LRIF1: variants seen among roughly 807,000 people sequenced by gnomAD.
The protein encoded by LRIF1 is ligand-dependent nuclear receptor-interacting factor 1.
LRIF1 carries 32 observed loss-of-function variants against 52.7 expected under a neutral mutation model. The ratio of observed to expected loss-of-function variants is 0.61; its 90% CI spans 0.46 to 0.82. LRIF1 has a LOEUF of 0.82. Among genes scored for constraint, LRIF1 ranks in the 40% least tolerant of loss-of-function variants. The pLI is 0.00. For missense variants in LRIF1, 887 were observed against 892.0 expected, an observed-to-expected ratio of 0.99 and a Z score of 0.07; for synonymous variants, 323 against 317.4, an observed-to-expected ratio of 1.02 and a Z score of -0.19.
chr1:110,890,514 T>G, the LRIF1 span, among the ~76,000 whole-genome samples: 1 of 151,674 alleles, frequency 6.6e-6, no homozygotes, highest in Non-Finnish European at 1.5e-5. Flanking sequence ...TTGCAGTGAA[T>G]TGAGATTGTG....
In LRIF1 at chr1:110,963,748, C is replaced by A; in HGVS notation, c.-60G>T. On this transcript the variant is annotated 5_prime_UTR_variant, in exon 1 of 4. Coordinates refer to ENST00000369763, the MANE Select transcript of LRIF1 (RefSeq NM_018372.4). ...AAGTGGGAAGCGTGGGGCCGAGTTTCCCAATGGGGCGAGAACCAGAGCGAG... is the reference window on the plus strand; with the variant it reads ...AAGTGGGAAGCGTGGGGCCGAGTTTACCAATGGGGCGAGAACCAGAGCGAG... 7.4e-7 allele frequency: 1 copy of A among 1,354,572 alleles called. No individual in the cohort carries two copies. Among genetic ancestry groups the A allele is most frequent in the South Asian group, 1.2e-5 (1 of 80,836 alleles). 83.9% of individuals were successfully genotyped at this position (1,354,572 alleles called of 1,614,324 possible).
At position 110,948,521 on chromosome 1, in the gene LRIF1, A is replaced by C; in HGVS notation, c.1870-122T>G. ...CTAGCTATTACAATTAACAAAATTT[A>C]TGGAAGACAACTACAGCAAGAGGGA... On this transcript the variant is annotated intron_variant, in intron 3 of 3. Coordinates refer to ENST00000369763, the MANE Select transcript of LRIF1 (RefSeq NM_018372.4). 3 of 1,383,972 alleles carry C rather than the reference A, an allele frequency of 2.2e-6. No individual in the cohort carries two copies. In the East Asian group the frequency reaches 7.5e-5, roughly 35 times the overall value. The allele number at this position is 1,383,972 out of a possible 1,614,324, so 85.7% of individuals were successfully genotyped here. A position where few individuals can be genotyped will look rare whatever the true frequency, so the allele number is the denominator to read the frequency against.
the LRIF1 span, among the ~76,000 whole-genome samples, chr1:110,891,752 A>G: frequency 6.6e-6 from 1 of 152,218 alleles, no homozygotes; most frequent in Admixed American, 6.5e-5. Context: ...ATAGGTGAGA[A>G]ACCTGAGACT....
At chr1:110,952,883 T>C (rs1658543832) in intron 1 of LRIF1, 68 bp from the exon 2 acceptor site, 2 of 763,126 alleles carry the variant, frequency 2.6e-6, no homozygotes, top group East Asian at 7.1e-5. Context: ...TAAAAATAAA[T>C]ATTTGTAAAT....
chr1:110,906,587 A>G, the LRIF1 span, among the ~76,000 whole-genome samples: 2 of 152,188 alleles, frequency 1.3e-5, no homozygotes, highest in African/African-American at 4.8e-5. Context: ...AAAAAAATAA[A>G]TAAATAAACC....
downstream of LRIF1, chr1:110,944,149 C>A (rs116721712): frequency 3.9e-5 from 6 of 152,294 alleles, no homozygotes; most frequent in African/African-American, 1.4e-4. Context: ...GATGATAGCA[C>A]TGACAATAAA....
chr1:110,950,881 T>C (rs1658443715), intron 2 of LRIF1, among the ~76,000 whole-genome samples: 1 of 152,102 alleles, frequency 6.6e-6, no homozygotes, highest in Admixed American at 6.6e-5. Context: ...CTCTTTTACA[T>C]GCATATTGAT....
At chr1:110,898,004 C>A in the LRIF1 span, 1 of 549,712 alleles carries the variant, frequency 1.8e-6, no homozygotes, top group Non-Finnish European at 3.2e-6. Flanking sequence ...GCTATTTTTA[C>A]TAATATATGA....
chr1:110,932,345 T>A, the LRIF1 span, among the ~76,000 whole-genome samples: 1 of 152,190 alleles, frequency 6.6e-6, no homozygotes, highest in African/African-American at 2.4e-5. Flanking sequence ...GGTCTATATA[T>A]CTGTTTTGGT....
At chr1:110,953,799 T>C (rs1429610314) in intron 1 of LRIF1, among the ~76,000 whole-genome samples, 2 of 152,168 alleles carry the variant, frequency 1.3e-5, no homozygotes, top group African/African-American at 4.8e-5. Flanking sequence ...ACTCAACTCT[T>C]CACATAGCTC....
chr1:110,940,930 C>T, the LRIF1 span: 1 of 151,990 alleles, frequency 6.6e-6, no homozygotes, highest in East Asian at 1.9e-4. Flanking sequence ...TAGCATGACT[C>T]TAGTCAACAA....
At chr1:110,910,427 C>T in the LRIF1 span, among the ~76,000 whole-genome samples, 2 of 152,002 alleles carry the variant, frequency 1.3e-5, no homozygotes, top group South Asian at 2.1e-4. Flanking sequence ...GGTGAAACCC[C>T]GTCTCTACTA....
At chr1:110,915,357 A>C in the LRIF1 span, among the ~76,000 whole-genome samples, 1 of 151,954 alleles carries the variant, frequency 6.6e-6, no homozygotes, top group Non-Finnish European at 1.5e-5. Context: ...GCGCGGTGGC[A>C]GGCGCCTGTA....
At chr1:110,927,459 T>C in the LRIF1 span, among the ~76,000 whole-genome samples, 1 of 152,196 alleles carries the variant, frequency 6.6e-6, no homozygotes, top group Non-Finnish European at 1.5e-5. Flanking sequence ...TGAGGACCTA[T>C]TGAAACCTAT....
the LRIF1 span, among the ~76,000 whole-genome samples, chr1:110,905,149 A>G: frequency 2.6e-5 from 4 of 152,192 alleles, no homozygotes; most frequent in Non-Finnish European, 4.4e-5. Context: ...AAATAACCTC[A>G]GAAGGGCAAA....
At chr1:110,918,559 C>T in the LRIF1 span, among the ~76,000 whole-genome samples, 1 of 152,060 alleles carries the variant, frequency 6.6e-6, no homozygotes, top group Non-Finnish European at 1.5e-5. Flanking sequence ...TTTGGATATA[C>T]TATCTCACTG....
rs141713340 is a variant in LRIF1, at chr1:110,958,041, T to C, written c.69-5226A>G. ...TGATTGCAGCCACTATTGACTATTA[T>C]GTATCTCTGGCAGACTAAAATTGTT... On this transcript the variant is annotated intron_variant, in intron 1 of 3. Coordinates refer to ENST00000369763, the MANE Select transcript of LRIF1 (RefSeq NM_018372.4). Among the ~76,000 whole-genome samples, 234 of 152,332 alleles carry C rather than the reference T, an allele frequency of 1.5e-3. 1 individual carries two copies. Among genetic ancestry groups the C allele is most frequent in the African/African-American group, 5.5e-3 (227 of 41,570 alleles).
chr1:110,922,596 C>A, the LRIF1 span, among the ~76,000 whole-genome samples: 3 of 152,098 alleles, frequency 2.0e-5, no homozygotes, highest in Non-Finnish European at 2.9e-5. Context: ...TCCTAACAAA[C>A]CCATATATAA....
At chr1:110,879,209 T>C in the LRIF1 span, among the ~76,000 whole-genome samples, 6 of 152,186 alleles carry the variant, frequency 3.9e-5, no homozygotes, top group African/African-American at 1.4e-4. Flanking sequence ...GAGTTTTCAC[T>C]GAATAAGGCA....
Sources: allele counts gnomAD v4.1 joint callset (sites outside exome capture counted in the v4.1 genomes callset), GRCh38; gene constraint gnomAD v4.1.1; transcripts MANE v1.5; gene names NCBI Gene and HGNC (gene_info 2026-07-23, HGNC 2026-07-21).